The following DGLUCY variants were observed in gnomAD, a reference collection of about 807,000 sequenced individuals.
DGLUCY encodes the protein D-glutamate cyclase, mitochondrial.
In DGLUCY, 58 loss-of-function variants were observed where a neutral mutation model predicts 58.5. That is an observed-to-expected ratio of 0.99 (90% CI 0.80 to 1.23). The LOEUF is 1.23. Ranked by LOEUF, DGLUCY falls within the 50% of genes most tolerant of loss-of-function variation. The pLI is 0.00. For missense variants in DGLUCY, 779 were observed against 784.7 expected, an observed-to-expected ratio of 0.99 and a Z score of 0.09; for synonymous variants, 325 against 314.1, an observed-to-expected ratio of 1.03 and a Z score of -0.37.
At chr14:91,163,259 CAAAAA>C (rs1293171005) in intron 3 of DGLUCY, among the ~76,000 whole-genome samples, 1 of 148,038 alleles carries the variant, frequency 6.8e-6, no homozygotes. Flanking sequence ...GACTCCGTCT[CAAAAA>C]AAAGAAAAAA....
chr14:91,173,300 TTG>T lies in DGLUCY; in HGVS notation c.472_473del (p.Val158TyrfsTer34), dbSNP rs2048676127. On this transcript the variant is annotated frameshift_variant, in exon 6 of 14. Transcript: ENST00000256324. LOFTEE classifies it high-confidence loss of function. Reference protein sequence around the residue: ...QAGAYKTTVPCVTHAGFCCPL... With the variant: ...QAGAYKTTVPXVTHAGFCCPL... ...TTTTTTTTGGTCAGACAACAGTGCC[TTG>T]TGTTACCCATGCTGGCTTCTGCTGC... 1.9e-6 allele frequency: 3 copies of T among 1,613,206 alleles called. No homozygotes were observed. Among genetic ancestry groups the T allele is most frequent in the Non-Finnish European group, 2.5e-6 (3 of 1,179,732 alleles).
chr14:91,144,549 G>C lies in DGLUCY; in HGVS notation c.-81-13090G>C, dbSNP rs536525761. Among the ~76,000 whole-genome samples the C allele has an allele frequency of 3.8e-4, 58 of 152,286 alleles. 1 individual carries two copies. The highest frequency in any genetic ancestry group is 1.4e-3 in the African/African-American group (58 of 41,578). ...CACTCCAGCCTTAGCAACAGAGCAA[G>C]ACTGCGTATCACAAAAAAAGGAGTC... is the stretch of plus-strand genomic sequence containing the variant. On this transcript the variant is annotated intron_variant, in intron 1 of 13. Coordinates refer to ENST00000256324, the MANE Select transcript of DGLUCY (RefSeq NM_001102368.3).
At chr14:91,105,623 C>T (rs921812392), upstream of DGLUCY, among the ~76,000 whole-genome samples, 14 of 152,154 alleles carry the variant, frequency 9.2e-5, no homozygotes, top group African/African-American at 3.1e-4. Context: ...ATTAAGAGAC[C>T]AGTAGTTGCC....
intron 1 of DGLUCY, among the ~76,000 whole-genome samples, chr14:91,095,233 G>C (rs929329655): frequency 6.6e-6 from 1 of 152,176 alleles, no homozygotes; most frequent in East Asian, 1.9e-4. Flanking sequence ...CACAAAAACA[G>C]TGACTATTGC....
At chr14:91,194,913 G>A (rs1409354146) in intron 9 of DGLUCY, among the ~76,000 whole-genome samples, 1 of 152,204 alleles carries the variant, frequency 6.6e-6, no homozygotes, top group Non-Finnish European at 1.5e-5. Flanking sequence ...CCACTGGGGT[G>A]GCAGTGGCAG....
At chr14:91,073,930 G>A (rs1051643143) in intron 1 of DGLUCY, among the ~76,000 whole-genome samples, 3 of 151,406 alleles carry the variant, frequency 2.0e-5, no homozygotes, top group Admixed American at 6.6e-5. Flanking sequence ...AGACCAGCCC[G>A]GGCAATATAG....
intron 4 of DGLUCY, chr14:91,167,751 C>T: frequency 1.5e-6 from 1 of 672,638 alleles, no homozygotes. Flanking sequence ...TGTGTCTGTT[C>T]TCCCAGGCTT....
Position 91,175,971 on chromosome 14 carries a change from C to T in DGLUCY, c.645C>T (p.Tyr215=), listed in dbSNP as rs748049947. 59 of 1,613,902 alleles carry T rather than the reference C, an allele frequency of 3.7e-5. No individual in the cohort carries two copies. The African/African-American group carries it at 5.2e-4, about 14-fold the overall frequency. The change falls in exon 7 of 14, where the codon TAC becomes TAT. Residue 215 remains tyrosine (Y), a synonymous_variant. Transcript: ENST00000256324. ...LGIKELSKPA[Y]GDAMVCPPGE... ...TCAAAGAGCTTTCCAAACCTGCCTA[C>T]GGGGATGCCATGGTGTGTCCCCCAG...
At chr14:91,200,004 G>C in intron 11 of DGLUCY, 99 bp downstream of exon 11, 1 of 1,479,506 alleles carries the variant, frequency 6.8e-7, no homozygotes, top group Non-Finnish European at 9.3e-7. Flanking sequence ...ACCCAGGCTG[G>C]AGTGCAGTGG....
intron 1 of DGLUCY, among the ~76,000 whole-genome samples, chr14:91,080,969 C>T (rs908475917): frequency 1.1e-4 from 17 of 152,074 alleles, no homozygotes; most frequent in Admixed American, 2.6e-4. Flanking sequence ...TTTGGGAGGC[C>T]GAGGCCGGTG....
At chr14:91,060,405 G>C in exon 1 of DGLUCY, 2 of 1,504,150 alleles carry the variant, frequency 1.3e-6, no homozygotes, top group Non-Finnish European at 8.9e-7. Context: ...TCCCCGCGGC[G>C]CCGCCGCTGC....
chr14:91,158,359 C>T (rs2047781518), intron 2 of DGLUCY, among the ~76,000 whole-genome samples: 1 of 152,222 alleles, frequency 6.6e-6, no homozygotes, highest in African/African-American at 2.4e-5. Context: ...TGTTCTCTCC[C>T]CTGTGTCCCC....
chr14:91,163,609 C>T lies in DGLUCY; in HGVS notation c.103+3212C>T, dbSNP rs115762715. ...TTCACTCCCCAGTCCCCATGGAGGA[C>T]GGCGCTCCCCTCCTAGGGAAACCCA... is the stretch of plus-strand genomic sequence containing the variant. On this transcript the variant is annotated intron_variant, in intron 3 of 13. Transcript: ENST00000256324. Among the ~76,000 whole-genome samples, 439 of 152,244 alleles carry T rather than the reference C, an allele frequency of 2.9e-3. 4 individuals are homozygous for T. The highest frequency in any genetic ancestry group is 1.0e-2 in the African/African-American group (414 of 41,552).
At chr14:91,217,018 C>G (rs75301684) in intron 13 of DGLUCY, among the ~76,000 whole-genome samples, 4 of 152,212 alleles carry the variant, frequency 2.6e-5, no homozygotes, top group African/African-American at 9.6e-5. Context: ...AGCTCCGCCC[C>G]CAACACCAAT....
chr14:91,158,515 A>C (rs1189194965), intron 2 of DGLUCY, among the ~76,000 whole-genome samples: 8 of 152,226 alleles, frequency 5.3e-5, no homozygotes, highest in Non-Finnish European at 1.2e-4. Flanking sequence ...CCTGGGGTTT[A>C]CATTATTTTC....
chr14:91,069,381 T>A lies in DGLUCY; in HGVS notation c.-82+8677T>A, dbSNP rs190724373. On this transcript the variant is annotated intron_variant, in intron 1 of 4. Coordinates refer to the DGLUCY transcript ENST00000521334. ...ACCTCCACCTTCCGGGTTCAAGCGA[T>A]TCTCCTGCCTCAGCCTCCCAAGTAG... 5.3e-4 allele frequency among the ~76,000 whole-genome samples: 80 copies of A among 152,260 alleles called. No individual in the cohort carries two copies. The East Asian group carries it at 0.015, about 28-fold the overall frequency.
In DGLUCY at chr14:91,224,977, T is replaced by C; in HGVS notation, c.*144T>C. On this transcript the variant is annotated 3_prime_UTR_variant, in exon 14 of 14. Coordinates refer to ENST00000256324, the MANE Select transcript of DGLUCY (RefSeq NM_001102368.3). ...CACTCGCCTGGCCTGGGAAACTGCA[T>C]GCCCACTTTCTGGGAGGGGTTAGTG... 5 of 955,264 alleles carry C rather than the reference T, an allele frequency of 5.2e-6. No individual in the cohort carries two copies. The highest frequency in any genetic ancestry group is 5.8e-6 in the Non-Finnish European group (4 of 684,454). The allele number at this position is 955,264 out of a possible 1,614,324, so 59.2% of individuals were successfully genotyped here.
chr14:91,102,948 G>A (rs2044518787), intron 1 of DGLUCY, among the ~76,000 whole-genome samples: 1 of 152,104 alleles, frequency 6.6e-6, no homozygotes, highest in Middle Eastern at 3.4e-3. Flanking sequence ...TTTTAGTAGA[G>A]ATGGGATTTC....
chr14:91,062,906 C>G (rs1215832526), intron 1 of DGLUCY, among the ~76,000 whole-genome samples: 1 of 152,074 alleles, frequency 6.6e-6, no homozygotes, highest in Admixed American at 6.5e-5. Context: ...AACTTTTATA[C>G]CAGTTATATA....
Sources: gnomAD v4.1 joint callset for allele counts (sites outside exome capture counted in the v4.1 genomes callset) on GRCh38, gnomAD v4.1.1 for gene constraint, MANE v1.5 for transcripts, NCBI Gene and HGNC (gene_info 2026-07-23, HGNC 2026-07-21) for gene names.